Variants in CDC123 observed in about 807,000 individuals in gnomAD.
CDC123 encodes the protein translation initiation factor eIF2 assembly protein.
In CDC123, 37 loss-of-function variants were observed where a neutral mutation model predicts 54.4. That is an observed-to-expected ratio of 0.68 (90% CI 0.52 to 0.89). The LOEUF is 0.89. Among genes scored for constraint, CDC123 ranks in the 40% least tolerant of loss-of-function variants. The pLI, the probability that CDC123 is intolerant of heterozygous loss-of-function variation, is 0.00. For synonymous variants in CDC123, 144 were observed against 136.8 expected (o/e 1.05, Z -0.37); for missense variants, 361 against 412.1 (o/e 0.88, Z 1.07).
chr10:12,224,990 A>G (rs766112967), intron 6 of CDC123, among the ~76,000 whole-genome samples: 1 of 152,104 alleles, frequency 6.6e-6, no homozygotes, highest in Non-Finnish European at 1.5e-5. Context: ...TTCCCCAAGA[A>G]TGGTGCAGAC....
chr10:12,211,510 A>G (rs1051143658), intron 4 of CDC123, among the ~76,000 whole-genome samples: 3 of 152,248 alleles, frequency 2.0e-5, no homozygotes, highest in African/African-American at 4.8e-5. Context: ...TTTACTCCAG[A>G]TGCCATTCAG....
intron 6 of CDC123, among the ~76,000 whole-genome samples, chr10:12,222,346 G>A (rs1359608892): frequency 4.6e-5 from 7 of 152,280 alleles, no homozygotes; most frequent in East Asian, 1.9e-4. Context: ...GTGGCCGGGC[G>A]CGGTGGCTCA....
chr10:12,210,328 A>G lies in CDC123; in HGVS notation c.237+6A>G, dbSNP rs779537723. 1 of 1,614,062 alleles carries G rather than the reference A, an allele frequency of 6.2e-7. No individual in the cohort carries two copies. The highest frequency in any genetic ancestry group is 1.7e-5 in the Admixed American group (1 of 59,998). On this transcript the variant is annotated splice_donor_region_variant and intron_variant, in intron 4 of 12. Coordinates refer to ENST00000281141, the MANE Select transcript of CDC123 (RefSeq NM_006023.3). ...AGAACACAGCCACGCTTACGGTAAG[A>G]GCACAGCAGACTCAGCGTGGGGACA... is the stretch of plus-strand genomic sequence containing the variant.
At chr10:12,204,048 A>G (rs1588669524) in intron 2 of CDC123, among the ~76,000 whole-genome samples, 1 of 149,432 alleles carries the variant, frequency 6.7e-6, no homozygotes, top group Admixed American at 6.8e-5. Context: ...AGCTATGATC[A>G]TGCCTCTGCA....
intron 4 of CDC123, among the ~76,000 whole-genome samples, chr10:12,215,194 C>T (rs867703855): frequency 3.3e-5 from 5 of 152,258 alleles, no homozygotes; most frequent in Admixed American, 6.5e-5. Context: ...CTAAGGTTCA[C>T]ATTTTGAGTT....
intron 4 of CDC123, among the ~76,000 whole-genome samples, chr10:12,211,152 C>G (rs1188014932): frequency 6.6e-6 from 1 of 152,024 alleles, no homozygotes; most frequent in Non-Finnish European, 1.5e-5. Context: ...GAAAGTTAAC[C>G]TAAAATTTTT....
At chr10:12,219,721 G>A (rs1835709088) in intron 6 of CDC123, among the ~76,000 whole-genome samples, 2 of 137,066 alleles carry the variant, frequency 1.5e-5, no homozygotes, top group Non-Finnish European at 3.1e-5. Flanking sequence ...GTCTCACTCT[G>A]TCGCCCAGGC....
chr10:12,229,303 T>C (rs978240674), intron 6 of CDC123, among the ~76,000 whole-genome samples: 2 of 152,238 alleles, frequency 1.3e-5, no homozygotes, highest in African/African-American at 4.8e-5. Flanking sequence ...TTGGAGACTT[T>C]AGGGCTCCCC....
intron 7 of CDC123, 52 bp from the exon 8 acceptor site, chr10:12,234,996 A>G: frequency 7.3e-7 from 1 of 1,378,346 alleles, no homozygotes; most frequent in Non-Finnish European, 1.0e-6. Context: ...ATTGCCTAGT[A>G]GACCTTACCA....
chr10:12,224,239 T>A (rs1835775665), intron 6 of CDC123, among the ~76,000 whole-genome samples: 1 of 151,824 alleles, frequency 6.6e-6, no homozygotes, highest in Admixed American at 6.6e-5. Flanking sequence ...TCATCAGTAC[T>A]AGTTAAGCAT....
intron 8 of CDC123, among the ~76,000 whole-genome samples, chr10:12,235,708 G>A (rs918287618): frequency 4.6e-5 from 7 of 152,212 alleles, no homozygotes; most frequent in African/African-American, 1.7e-4. Context: ...CTAGAAAAGT[G>A]TAATTTGAAT....
At chr10:12,246,311 C>T (rs1836136889) in intron 11 of CDC123, 34 bp downstream of exon 11, 4 of 1,609,798 alleles carry the variant, frequency 2.5e-6, no homozygotes, top group Non-Finnish European at 3.4e-6. Flanking sequence ...CAATGTAAAC[C>T]TTTCCAGTCT....
chr10:12,206,656 A>T (rs1047707513), intron 2 of CDC123, among the ~76,000 whole-genome samples: 6 of 152,170 alleles, frequency 3.9e-5, no homozygotes, highest in African/African-American at 1.2e-4. Context: ...TAGTAAAAAT[A>T]CAAAAATTAT....
At chr10:12,237,123 T>A (rs1384019881) in intron 8 of CDC123, 21 bp from the exon 9 acceptor site, 1 of 1,516,740 alleles carries the variant, frequency 6.6e-7, no homozygotes, top group South Asian at 1.3e-5. Context: ...AATAACAGGA[T>A]GTAAAATATT....
chr10:12,231,132 T>G, intron 7 of CDC123, 136 bp downstream of exon 7: 1 of 687,670 alleles, frequency 1.5e-6, no homozygotes, highest in Non-Finnish European at 2.4e-6. Flanking sequence ...AATTTTAAAT[T>G]TATGAAATAT....
chr10:12,227,491 TTCTG>T (rs1408194424), intron 6 of CDC123, among the ~76,000 whole-genome samples: 7 of 152,228 alleles, frequency 4.6e-5, no homozygotes, highest in African/African-American at 1.4e-4. Flanking sequence ...AAAAGTAATT[TTCTG>T]TCTTTTTTTT....
chr10:12,250,234 C>G, intron 12 of CDC123, 77 bp from the exon 13 acceptor site: 1 of 870,202 alleles, frequency 1.1e-6, no homozygotes, highest in Non-Finnish European at 1.8e-6. Context: ...GCCAAGACCT[C>G]TAGAAAATTA....
At chr10:12,217,869 C>T (rs1384919505) in intron 6 of CDC123, among the ~76,000 whole-genome samples, 2 of 152,080 alleles carry the variant, frequency 1.3e-5, no homozygotes, top group African/African-American at 4.8e-5. Flanking sequence ...AGGTGGATCA[C>T]CTGAGGTCAG....
At chr10:12,246,498 A>C in intron 11 of CDC123, 1 of 439,724 alleles carries the variant, frequency 2.3e-6, no homozygotes, top group Non-Finnish European at 4.0e-6. Flanking sequence ...CAGTTTTTTT[A>C]GTTCTTTTTC....
Sources: allele counts gnomAD v4.1 joint callset (sites outside exome capture counted in the v4.1 genomes callset), GRCh38; gene constraint gnomAD v4.1.1; transcripts MANE v1.5; gene names NCBI Gene and HGNC (gene_info 2026-07-23, HGNC 2026-07-21).